Variants in IL34 observed in about 807,000 individuals in gnomAD.
IL34 encodes interleukin 34, also known as interleukin-34.
A neutral mutation model predicts 25.3 loss-of-function variants in IL34; 17 were observed. That is an observed-to-expected ratio of 0.67 (90% CI 0.46 to 1.01). The LOEUF (loss-of-function observed/expected upper bound fraction) is 1.01. IL34 is among the 50% of genes least tolerant of loss of function. The pLI, the probability that IL34 is intolerant of heterozygous loss-of-function variation, is 0.00. For synonymous variants in IL34, 174 were observed against 140.9 expected (o/e 1.23, Z -1.66); for missense variants, 368 against 312.9 (o/e 1.18, Z -1.33).
chr16:70,625,945 G>T (rs1032491135), intron 1 of IL34, among the ~76,000 whole-genome samples: 1 of 152,230 alleles, frequency 6.6e-6, no homozygotes, highest in African/African-American at 2.4e-5. Flanking sequence ...TTCTCACAGA[G>T]CAAAGAGCAG....
chr16:70,632,291 C>T (rs945928369), intron 1 of IL34, among the ~76,000 whole-genome samples: 6 of 152,064 alleles, frequency 3.9e-5, no homozygotes, highest in Middle Eastern at 3.2e-3. Flanking sequence ...TTCTGACCTT[C>T]GCTGACCCTA....
At chr16:70,601,057 G>C (rs2050908903) in intron 1 of IL34, among the ~76,000 whole-genome samples, 1 of 151,954 alleles carries the variant, frequency 6.6e-6, no homozygotes, top group Non-Finnish European at 1.5e-5. Context: ...GGGGATGCTG[G>C]GAGAAGTGAG....
At chr16:70,612,043 C>T (rs1393467282) in intron 1 of IL34, among the ~76,000 whole-genome samples, 1 of 152,098 alleles carries the variant, frequency 6.6e-6, no homozygotes, top group African/African-American at 2.4e-5. Context: ...TAAAAGATAG[C>T]CTTCTGTCTT....
chr16:70,626,159 CTTT>C (rs1324373812), intron 1 of IL34, among the ~76,000 whole-genome samples: 20 of 152,082 alleles, frequency 1.3e-4, no homozygotes. Flanking sequence ...TTGGCTTTTT[CTTT>C]TTTATTTCTA....
Position 70,657,042 on chromosome 16 carries a change from T to C in IL34, c.323T>C (p.Val108Ala), listed in dbSNP as rs1567468173. 3 of 1,612,656 alleles carry C rather than the reference T, an allele frequency of 1.9e-6. No individual in the cohort carries two copies. Among genetic ancestry groups the C allele is most frequent in the African/African-American group, 2.7e-5 (2 of 74,908 alleles). ...SLSATESVQD[V>A]LLEGHPSWKY... is the part of the protein sequence containing the mutation. ...AGTGCCACTGAGTCGGTGCAGGACGTGCTGCTCGAGGGCCACCCATCCTGG... is the reference window on the plus strand; with the variant it reads ...AGTGCCACTGAGTCGGTGCAGGACGCGCTGCTCGAGGGCCACCCATCCTGG... Residue 108 changes from valine to alanine, a missense_variant, in exon 4 of 6, where the codon GTG becomes GCG. By Grantham distance (64) the Val-to-Ala change is moderately conservative. Coordinates refer to ENST00000288098, the MANE Select transcript of IL34 (RefSeq NM_001393494.1).
intron 1 of IL34, among the ~76,000 whole-genome samples, chr16:70,629,959 C>G (rs908550501): frequency 3.9e-5 from 6 of 151,984 alleles, no homozygotes; most frequent in East Asian, 1.9e-4. Context: ...TTCATTCTGT[C>G]TATGTTTTTG....
intron 4 of IL34, among the ~76,000 whole-genome samples, chr16:70,659,349 C>T (rs1270944457): frequency 6.6e-6 from 1 of 152,238 alleles, no homozygotes; most frequent in Non-Finnish European, 1.5e-5. Context: ...CCCCACTTTC[C>T]TCACTGTCCT....
At chr16:70,651,281 T>A (rs562135087) in intron 1 of IL34, among the ~76,000 whole-genome samples, 5 of 152,108 alleles carry the variant, frequency 3.3e-5, no homozygotes, top group African/African-American at 1.2e-4. Flanking sequence ...GCAGGGATGA[T>A]CTTGACCTGC....
At chr16:70,654,763 C>G (rs2052171939) in intron 2 of IL34, 92 bp downstream of exon 2, 1 of 1,466,968 alleles carries the variant, frequency 6.8e-7, no homozygotes, top group African/African-American at 1.4e-5. Flanking sequence ...TTCTTAGGAC[C>G]TGTGTCAGCC....
intron 1 of IL34, among the ~76,000 whole-genome samples, chr16:70,585,746 C>T (rs982826944): frequency 8.0e-5 from 12 of 150,418 alleles, no homozygotes; most frequent in Non-Finnish European, 1.3e-4. Flanking sequence ...TGCACAGGCT[C>T]GTCTTGAACT....
At chr16:70,659,955 A>G in intron 5 of IL34, 42 bp from the exon 6 acceptor site, 1 of 1,532,210 alleles carries the variant, frequency 6.5e-7, no homozygotes, top group Non-Finnish European at 8.8e-7. Flanking sequence ...GGTGGTCTTG[A>G]ACACTGCTGC....
intron 1 of IL34, among the ~76,000 whole-genome samples, chr16:70,624,911 C>G (rs2151842106): frequency 6.6e-6 from 1 of 151,828 alleles, no homozygotes; most frequent in Middle Eastern, 3.4e-3. Flanking sequence ...ACTGAGGGGA[C>G]AGGCGGGAGG....
rs567379935 is a variant in IL34 at position 70,601,990 on chromosome 16, G to A, written c.-401+21941G>A. On this transcript the variant is annotated intron_variant, in intron 1 of 6. Transcript: ENST00000429149. ...GGTAAAGATGGCAAACCCATCCATGGTGAAGTTGAATTGCTCCTCTCCAGG... is the reference window on the plus strand; with the variant it reads ...GGTAAAGATGGCAAACCCATCCATGATGAAGTTGAATTGCTCCTCTCCAGG... 3.3e-5 allele frequency among the ~76,000 whole-genome samples: 5 copies of A among 152,356 alleles called. No individual in the cohort carries two copies. In the South Asian group the frequency reaches 1.0e-3, roughly 32 times the overall value.
At position 70,637,517 on chromosome 16, in the gene IL34, A is replaced by G. The variant is rs796897828; in HGVS notation, c.-400-9031A>G. Among the ~76,000 whole-genome samples the G allele has an allele frequency of 1.3e-4, 17 of 135,986 alleles. No individual in the cohort carries two copies. The East Asian group carries it at 2.2e-3, about 17-fold the overall frequency. The allele number at this position is 135,986 out of a possible 152,430, so 89.2% of individuals were successfully genotyped here. A position where few individuals can be genotyped will look rare whatever the true frequency, so the allele number is the denominator to read the frequency against. On this transcript the variant is annotated intron_variant, in intron 1 of 6. Transcript: ENST00000429149. ...TACACCATCAGGCCCGGCTAATTTT[A>G]TATTTTAGTAGAGACGGGGTTTTAC...
intron 1 of IL34, among the ~76,000 whole-genome samples, chr16:70,616,399 G>GT (rs2051173578): frequency 6.6e-6 from 1 of 152,168 alleles, no homozygotes; most frequent in East Asian, 1.9e-4. Flanking sequence ...GTGAAAAACA[G>GT]TGACTCAATG....
At chr16:70,653,346 CAAAA>C (rs200626111) in intron 1 of IL34, among the ~76,000 whole-genome samples, 3 of 86,866 alleles carry the variant, frequency 3.5e-5, no homozygotes, top group South Asian at 4.2e-4. Context: ...AACCCTGTCT[CAAAA>C]AAAAAAAAAA....
At chr16:70,583,106 T>G (rs756327932) in intron 1 of IL34, among the ~76,000 whole-genome samples, 5 of 152,052 alleles carry the variant, frequency 3.3e-5, no homozygotes, top group East Asian at 1.9e-4. Flanking sequence ...CAAGGAGTTT[T>G]TTGTTGTTGT....
intron 1 of IL34, among the ~76,000 whole-genome samples, chr16:70,649,274 C>T (rs1047472908): frequency 3.3e-5 from 5 of 152,182 alleles, no homozygotes; most frequent in Admixed American, 6.5e-5. Context: ...AGCTCGGGGC[C>T]TTTTGCAGTC....
chr16:70,623,555 A>G (rs114984683), intron 1 of IL34, among the ~76,000 whole-genome samples: 3,755 of 152,084 alleles, frequency 0.025, 115 homozygotes, highest in African/African-American at 0.066. Context: ...TGAACAGGGT[A>G]AGGGTGATAA....
Sources: gnomAD v4.1 joint callset for allele counts (sites outside exome capture counted in the v4.1 genomes callset) on GRCh38, gnomAD v4.1.1 for gene constraint, MANE v1.5 for transcripts, NCBI Gene and HGNC (gene_info 2026-07-23, HGNC 2026-07-21) for gene names.